The following AFG2A variants were observed in gnomAD, a reference collection of about 807,000 sequenced individuals.
AFG2A encodes ATPase family gene 2 protein homolog A.
chr4:123,109,403 G>C, the AFG2A span, among the ~76,000 whole-genome samples: 1 of 152,078 alleles, frequency 6.6e-6, no homozygotes, highest in Non-Finnish European at 1.5e-5. Context: ...TGGGAGAGTT[G>C]AATAGTGCTA....
the AFG2A span, among the ~76,000 whole-genome samples, chr4:123,255,818 C>G: frequency 2.0e-5 from 3 of 149,950 alleles, no homozygotes; most frequent in Admixed American, 6.7e-5. Context: ...CCGCGCCCAG[C>G]CTTCTATTTT....
the AFG2A span, among the ~76,000 whole-genome samples, chr4:123,192,650 T>C: frequency 6.6e-6 from 1 of 152,228 alleles, no homozygotes; most frequent in African/African-American, 2.4e-5. Context: ...CAGTCTTTTG[T>C]GGTCCCCTAG....
chr4:123,283,023 T>C, the AFG2A span, among the ~76,000 whole-genome samples: 1 of 152,128 alleles, frequency 6.6e-6, no homozygotes, highest in Non-Finnish European at 1.5e-5. Context: ...TGCACTTTTA[T>C]GTTTTGTCCC....
At chr4:123,208,156 A>G in the AFG2A span, among the ~76,000 whole-genome samples, 1 of 152,224 alleles carries the variant, frequency 6.6e-6, no homozygotes. Flanking sequence ...AATTAATCGA[A>G]TATCCACAAG....
chr4:123,088,857 A>T, the AFG2A span, among the ~76,000 whole-genome samples: 5 of 152,214 alleles, frequency 3.3e-5, no homozygotes, highest in African/African-American at 1.2e-4. Flanking sequence ...TGTACTCTTC[A>T]TAAATTACCC....
the AFG2A span, among the ~76,000 whole-genome samples, chr4:122,931,850 A>G: frequency 4.6e-5 from 7 of 152,330 alleles, 1 homozygote; most frequent in Non-Finnish European, 2.9e-5. Flanking sequence ...CCATGTCACT[A>G]ATGACCACAA....
the AFG2A span, among the ~76,000 whole-genome samples, chr4:123,049,312 GT>G: frequency 0.012 from 1,845 of 151,792 alleles, 43 homozygotes; most frequent in African/African-American, 0.041. Context: ...GATATTGATA[GT>G]TTTTTTTATT....
At chr4:123,120,017 A>G in the AFG2A span, among the ~76,000 whole-genome samples, 2 of 152,152 alleles carry the variant, frequency 1.3e-5, no homozygotes, top group Non-Finnish European at 2.9e-5. Flanking sequence ...AGCTGCCCCC[A>G]TGATGCAATT....
At chr4:123,197,099 G>A in the AFG2A span, among the ~76,000 whole-genome samples, 6 of 152,066 alleles carry the variant, frequency 3.9e-5, no homozygotes, top group African/African-American at 1.4e-4. Flanking sequence ...TGAAACCACT[G>A]GATTTACATA....
chr4:123,266,424 C>G, the AFG2A span, among the ~76,000 whole-genome samples: 9 of 151,840 alleles, frequency 5.9e-5, no homozygotes, highest in African/African-American at 2.2e-4. Flanking sequence ...TTGTTATAAT[C>G]AGCAAATTTA....
chr4:123,054,808 T>C, the AFG2A span, among the ~76,000 whole-genome samples: 1 of 152,198 alleles, frequency 6.6e-6, no homozygotes, highest in African/African-American at 2.4e-5. Flanking sequence ...ACATTAATTT[T>C]ATATTTTTAA....
the AFG2A span, among the ~76,000 whole-genome samples, chr4:123,259,382 CA>C: frequency 3.3e-5 from 5 of 152,248 alleles, no homozygotes; most frequent in Admixed American, 3.3e-4. Context: ...AGGAGGCTCT[CA>C]AGAGGAAGTC....
the AFG2A span, among the ~76,000 whole-genome samples, chr4:122,996,305 A>G: frequency 6.6e-6 from 1 of 152,158 alleles, no homozygotes; most frequent in Non-Finnish European, 1.5e-5. Context: ...TGTGGACATA[A>G]TTGTGTCTTG....
chr4:122,938,840 C>A, the AFG2A span, among the ~76,000 whole-genome samples: 10 of 152,082 alleles, frequency 6.6e-5, no homozygotes, highest in African/African-American at 2.4e-4. Flanking sequence ...TGTCATCTAC[C>A]CGCCTTGGCC....
the AFG2A span, among the ~76,000 whole-genome samples, chr4:123,253,344 C>G: frequency 6.6e-6 from 1 of 152,010 alleles, no homozygotes; most frequent in Non-Finnish European, 1.5e-5. Context: ...ATTAGCCAGG[C>G]GTGGTGGTGG....
At chr4:122,923,361 G>A in the AFG2A span, 2 of 1,604,918 alleles carry the variant, frequency 1.2e-6, no homozygotes. Context: ...TGAGGGGCGG[G>A]AGACTCAGTG....
the AFG2A span, among the ~76,000 whole-genome samples, chr4:123,138,782 C>T: frequency 2.0e-5 from 3 of 151,770 alleles, no homozygotes; most frequent in African/African-American, 4.8e-5. Flanking sequence ...AGCCTACAAC[C>T]GACAGACTGG....
the AFG2A span, among the ~76,000 whole-genome samples, chr4:123,275,074 G>C: frequency 6.6e-6 from 1 of 152,070 alleles, no homozygotes; most frequent in African/African-American, 2.4e-5. Flanking sequence ...CCCTCAGGCA[G>C]ACCCTTGAGT....
the AFG2A span, among the ~76,000 whole-genome samples, chr4:122,974,063 T>C: frequency 6.6e-6 from 1 of 152,184 alleles, no homozygotes; most frequent in Non-Finnish European, 1.5e-5. Flanking sequence ...TTTCTTTCTA[T>C]GTTCAGAGGA....
Sources: allele counts gnomAD v4.1 joint callset (sites outside exome capture counted in the v4.1 genomes callset), GRCh38; gene constraint gnomAD v4.1.1; transcripts MANE v1.5; gene names NCBI Gene and HGNC (gene_info 2026-07-23, HGNC 2026-07-21).